AGBL4: variants seen among roughly 807,000 people sequenced by gnomAD.
The protein encoded by AGBL4 is cytosolic carboxypeptidase 6.
Under a neutral mutation model 66.4 loss-of-function variants are expected in AGBL4, and 58 were observed. The observed-to-expected ratio is 0.87, with a 90% CI of 0.71 to 1.09. The LOEUF (loss-of-function observed/expected upper bound fraction) is 1.09, where lower values mean the gene tolerates loss of function less well. AGBL4 is among the 50% of genes least tolerant of loss of function. The pLI, the probability that AGBL4 is intolerant of heterozygous loss-of-function variation, is 0.00. For synonymous variants in AGBL4, 234 were observed against 222.9 expected (o/e 1.05, Z -0.44); for missense variants, 579 against 631.0 (o/e 0.92, Z 0.88).
At chr1:49,711,216 T>C (rs1647642512) in intron 2 of AGBL4, among the ~76,000 whole-genome samples, 1 of 152,106 alleles carries the variant, frequency 6.6e-6, no homozygotes, top group Admixed American at 6.6e-5. Context: ...TGTACACCAA[T>C]TATATGACCT....
chr1:49,300,710 T>C (rs558166189), intron 3 of AGBL4, among the ~76,000 whole-genome samples: 13 of 152,304 alleles, frequency 8.5e-5, no homozygotes, highest in African/African-American at 2.9e-4. Context: ...CCCTAGATGA[T>C]CTTTCCTGCA....
rs1351311923 is a variant in AGBL4 at position 49,485,292 on chromosome 1, T to A, written c.282+212021A>T. Reference sequence around the variant, plus strand: ...CTATGCAGCCATAAAAAATGATGAGTTCATGTCCTTTGTAGGAACATGGAT... The same window carrying A: ...CTATGCAGCCATAAAAAATGATGAGATCATGTCCTTTGTAGGAACATGGAT... On this transcript the variant is annotated intron_variant, in intron 3 of 13. Transcript: ENST00000371839. Among the ~76,000 whole-genome samples the A allele has an allele frequency of 2.6e-5, 4 of 151,498 alleles. No individual in the cohort carries two copies. The East Asian group carries it at 7.8e-4, about 29-fold the overall frequency.
intron 1 of AGBL4, among the ~76,000 whole-genome samples, chr1:49,986,049 C>T (rs1659477438): frequency 6.6e-6 from 1 of 152,076 alleles, no homozygotes; most frequent in Non-Finnish European, 1.5e-5. Context: ...GTTATTGAAA[C>T]AGATTGATTT....
At chr1:49,579,852 G>T (rs1012437415) in intron 3 of AGBL4, among the ~76,000 whole-genome samples, 1 of 152,192 alleles carries the variant, frequency 6.6e-6, no homozygotes, top group African/African-American at 2.4e-5. Flanking sequence ...TCCAATTTAA[G>T]TCCAGTGTGT....
intron 5 of AGBL4, among the ~76,000 whole-genome samples, chr1:48,942,685 G>T (rs1184806257): frequency 6.6e-6 from 1 of 152,148 alleles, no homozygotes; most frequent in East Asian, 1.9e-4. Flanking sequence ...GTGAAAGTTT[G>T]ATGGGTAGAT....
chr1:49,290,308 G>A (rs746957095), intron 3 of AGBL4, among the ~76,000 whole-genome samples: 2 of 152,172 alleles, frequency 1.3e-5, no homozygotes, highest in East Asian at 1.9e-4. Context: ...AGTCTGCCAC[G>A]TATTTCCTCA....
chr1:49,091,015 G>A (rs1277022202), intron 4 of AGBL4, among the ~76,000 whole-genome samples: 1 of 152,086 alleles, frequency 6.6e-6, no homozygotes, highest in Non-Finnish European at 1.5e-5. Context: ...TAGTGGTGCT[G>A]GGATTACTGA....
chr1:49,426,743 A>G (rs1645669145), intron 3 of AGBL4, among the ~76,000 whole-genome samples: 1 of 152,204 alleles, frequency 6.6e-6, no homozygotes, highest in African/African-American at 2.4e-5. Flanking sequence ...GAGAGTCAGG[A>G]GGATTAAGTA....
At chr1:49,690,055 G>A (rs1646857609) in intron 3 of AGBL4, among the ~76,000 whole-genome samples, 1 of 152,160 alleles carries the variant, frequency 6.6e-6, no homozygotes, top group African/African-American at 2.4e-5. Context: ...TCAGTCAGCA[G>A]CCATGAACAT....
intron 5 of AGBL4, among the ~76,000 whole-genome samples, chr1:48,932,014 T>TCTGA (rs1160025078): frequency 6.6e-6 from 1 of 152,096 alleles, no homozygotes. Context: ...AGGTTTCCTG[T>TCTGA]CTGACTCCCC....
chr1:48,736,485 G>A lies in AGBL4; in HGVS notation c.635-73244C>T, dbSNP rs749569725. ...GAATAAGAACACCAGCACCTGTTTAGTCCGACAGGAGGGCAGTGGGAGGCT... is the reference window on the plus strand; with the variant it reads ...GAATAAGAACACCAGCACCTGTTTAATCCGACAGGAGGGCAGTGGGAGGCT... On this transcript the variant is annotated intron_variant, in intron 6 of 13. Coordinates refer to ENST00000371839, the MANE Select transcript of AGBL4 (RefSeq NM_032785.4). This position sits in a 1 kb window ranked among gnomAD's most constrained non-coding sequence, Gnocchi z 4.0. The A allele has an allele frequency of 6.3e-7, 1 of 1,590,736 alleles. No homozygotes were observed. The highest frequency in any genetic ancestry group is 8.6e-7 in the Non-Finnish European group (1 of 1,159,702).
At chr1:49,575,841 A>T (rs1644425140) in intron 3 of AGBL4, among the ~76,000 whole-genome samples, 1 of 152,192 alleles carries the variant, frequency 6.6e-6, no homozygotes, top group South Asian at 2.1e-4. Flanking sequence ...TCAGGGGTAT[A>T]TCAACTCTCC....
intron 5 of AGBL4, among the ~76,000 whole-genome samples, chr1:48,890,633 T>C (rs915422882): frequency 1.3e-5 from 2 of 152,102 alleles, no homozygotes; most frequent in Non-Finnish European, 2.9e-5. Context: ...TGGATGTCCT[T>C]GAGGGGAAAA....
intron 2 of AGBL4, among the ~76,000 whole-genome samples, chr1:49,787,399 A>G (rs1209377228): frequency 6.6e-6 from 1 of 151,102 alleles, no homozygotes; most frequent in Non-Finnish European, 1.5e-5. Flanking sequence ...GCTACTAGGG[A>G]GGCTGAGGCA....
intron 3 of AGBL4, among the ~76,000 whole-genome samples, chr1:49,446,884 A>G (rs1302708362): frequency 1.3e-5 from 2 of 152,340 alleles, no homozygotes; most frequent in Non-Finnish European, 2.9e-5. Context: ...CCACAGCCTC[A>G]GGCATGCTGC....
chr1:49,722,787 C>G (rs1461605617), intron 2 of AGBL4, among the ~76,000 whole-genome samples: 3 of 152,110 alleles, frequency 2.0e-5, no homozygotes, highest in South Asian at 4.1e-4. Flanking sequence ...AAGATTTTTA[C>G]ATTAACTTCT....
chr1:50,017,725 C>T (rs1662098778), intron 1 of AGBL4, among the ~76,000 whole-genome samples: 1 of 152,000 alleles, frequency 6.6e-6, no homozygotes, highest in Non-Finnish European at 1.5e-5. Flanking sequence ...GACACCAAGA[C>T]CTGCTTTAGG....
intron 5 of AGBL4, among the ~76,000 whole-genome samples, chr1:48,972,538 T>G (rs563267384): frequency 6.6e-6 from 1 of 152,320 alleles, no homozygotes; most frequent in Admixed American, 6.5e-5. Flanking sequence ...TCCCATTTTA[T>G]AGGTGAAGAA....
At chr1:49,417,019 G>A (rs548728430) in intron 3 of AGBL4, among the ~76,000 whole-genome samples, 11 of 152,096 alleles carry the variant, frequency 7.2e-5, no homozygotes, top group Admixed American at 4.6e-4. Context: ...GTATCTTCAC[G>A]CACTTTCACC....
Sources: gnomAD v4.1 joint callset for allele counts (sites outside exome capture counted in the v4.1 genomes callset) on GRCh38, gnomAD v4.1.1 for gene constraint, Gnocchi (gnomAD v3.1) non-coding constraint, MANE v1.5 for transcripts, NCBI Gene and HGNC (gene_info 2026-07-23, HGNC 2026-07-21) for gene names.